TFB1M: variants seen among roughly 807,000 people sequenced by gnomAD.
TFB1M encodes dimethyladenosine transferase 1, mitochondrial.
A neutral mutation model predicts 31.1 loss-of-function variants in TFB1M; 27 were observed. The ratio of observed to expected loss-of-function variants is 0.87; its 90% confidence interval spans 0.64 to 1.20. The LOEUF (loss-of-function observed/expected upper bound fraction) is 1.20, where lower values mean the gene tolerates loss of function less well. TFB1M is among the 50% of genes most tolerant of loss of function. TFB1M has a pLI of 0.00. For synonymous variants in TFB1M, 166 were observed against 151.8 expected (o/e 1.09, Z -0.69); for missense variants, 394 against 418.7 (o/e 0.94, Z 0.51).
At chr6:155,285,955 A>C (rs1029369102) in intron 4 of TFB1M, among the ~76,000 whole-genome samples, 7 of 152,130 alleles carry the variant, frequency 4.6e-5, no homozygotes, top group African/African-American at 1.4e-4. Flanking sequence ...ATTCCATGTA[A>C]AATTTATATA....
chr6:155,294,116 T>A (rs1451723853), intron 4 of TFB1M, among the ~76,000 whole-genome samples: 1 of 152,162 alleles, frequency 6.6e-6, no homozygotes, highest in Non-Finnish European at 1.5e-5. Context: ...AGGGCTGACT[T>A]GTGAGTAAAT....
At chr6:155,311,739 CT>C (rs1282135584) in intron 1 of TFB1M, among the ~76,000 whole-genome samples, 2 of 152,148 alleles carry the variant, frequency 1.3e-5, no homozygotes, top group African/African-American at 4.8e-5. Flanking sequence ...ATAAGCAATA[CT>C]AGTTTCACAT....
At position 155,275,817 on chromosome 6, in the gene TFB1M, A is replaced by G. The variant is rs1402348316; in HGVS notation, c.666+9341T>C. 3.1e-6 allele frequency: 5 copies of G among 1,613,938 alleles called. No individual in the cohort carries two copies. The highest frequency in any genetic ancestry group is 3.4e-6 in the Non-Finnish European group (4 of 1,179,998). On this transcript the variant is annotated intron_variant, in intron 5 of 6. Transcript: ENST00000367166. Reference sequence around the variant, plus strand: ...ACTCTGCTGCCCAACTGGAAGGTGAATGTGGATGTGGACTCCAACATCATA... The same window carrying G: ...ACTCTGCTGCCCAACTGGAAGGTGAGTGTGGATGTGGACTCCAACATCATA...
intron 2 of TFB1M, chr6:155,303,273 A>C (rs1777517457): frequency 6.6e-6 from 1 of 151,964 alleles, no homozygotes; most frequent in Non-Finnish European, 1.5e-5. Flanking sequence ...ACCAAATTTC[A>C]CCCTTTTCTT....
At chr6:155,245,586 A>G in the TFB1M span, 3 of 1,547,456 alleles carry the variant, frequency 1.9e-6, no homozygotes, top group African/African-American at 4.1e-5. Flanking sequence ...CATTGATTAA[A>G]CCATGTCTGA....
chr6:155,257,664 C>G lies in TFB1M; in HGVS notation c.*172G>C. 4.3e-6 allele frequency: 3 copies of G among 696,118 alleles called. No homozygotes were observed. Among genetic ancestry groups the G allele is most frequent in the Non-Finnish European group, 7.2e-6 (3 of 419,226 alleles). The allele number at this position is 696,118 out of a possible 1,614,324, so 43.1% of individuals were successfully genotyped here. A position where few individuals can be genotyped will look rare whatever the true frequency, so the allele number is the denominator to read the frequency against. ...TATTAAAAGAAAGCTTGTACTGTAT[C>G]TTATTTGATGATATTTATTTTCTCT... is the stretch of plus-strand genomic sequence containing the variant. On this transcript the variant is annotated 3_prime_UTR_variant, in exon 7 of 7. Transcript: ENST00000367166.
At chr6:155,242,820 C>G in the TFB1M span, among the ~76,000 whole-genome samples, 1 of 152,188 alleles carries the variant, frequency 6.6e-6, no homozygotes, top group Admixed American at 6.5e-5. Context: ...ACTGCAACCT[C>G]CACCTCCTGA....
chr6:155,307,464 C>T (rs1232278933), intron 2 of TFB1M, among the ~76,000 whole-genome samples: 1 of 152,006 alleles, frequency 6.6e-6, no homozygotes, highest in African/African-American at 2.4e-5. Context: ...ATTTTTAAAA[C>T]CATCAGATCT....
intron 5 of TFB1M, among the ~76,000 whole-genome samples, chr6:155,281,448 G>T (rs112530575): frequency 0.09 from 13,750 of 152,148 alleles, 821 homozygotes; most frequent in East Asian, 0.18. Context: ...CTGGCTGGGC[G>T]TGGTGGCTCA....
intron 2 of TFB1M, among the ~76,000 whole-genome samples, chr6:155,306,714 A>ATAG (rs1168909221): frequency 6.6e-6 from 1 of 152,186 alleles, no homozygotes; most frequent in Admixed American, 6.5e-5. Context: ...GTTGTCTGAG[A>ATAG]TAGATAAAGG....
intron 4 of TFB1M, among the ~76,000 whole-genome samples, chr6:155,287,362 A>G (rs1411184485): frequency 6.6e-6 from 1 of 152,128 alleles, no homozygotes. Context: ...TATTATGTGT[A>G]ATGTCAAGAA....
rs1562378557 is a variant in TFB1M at position 155,256,291 on chromosome 6, A to T, written c.*1545T>A. On this transcript the variant is annotated 3_prime_UTR_variant, in exon 7 of 7. Coordinates refer to ENST00000367166, the MANE Select transcript of TFB1M (RefSeq NM_016020.4). Reference sequence around the variant, plus strand: ...AAAATGCTGAATTGCCTAACTTACAACTGTAAACCTAAGTCAAAAATGTCC... The same window carrying T: ...AAAATGCTGAATTGCCTAACTTACATCTGTAAACCTAAGTCAAAAATGTCC... The T allele has an allele frequency of 1.3e-6, 1 of 769,462 alleles. No homozygotes were observed. Among genetic ancestry groups the T allele is most frequent in the Non-Finnish European group, 2.0e-6 (1 of 488,224 alleles). The allele number at this position is 769,462 out of a possible 1,614,324, so 47.7% of individuals were successfully genotyped here.
At chr6:155,296,746 C>T (rs1322725834) in intron 4 of TFB1M, among the ~76,000 whole-genome samples, 1 of 139,698 alleles carries the variant, frequency 7.2e-6, no homozygotes, top group East Asian at 2.3e-4. Flanking sequence ...GGCTAACATA[C>T]ATCATTCATG....
chr6:155,275,791 C>T lies in TFB1M; in HGVS notation c.666+9367G>A, dbSNP rs1785165579. On this transcript the variant is annotated intron_variant, in intron 5 of 6. Transcript: ENST00000367166. ...CTGGGGTCTCTGGAGTGCTCACAGC[C>T]ACTCTGCTGCCCAACTGGAAGGTGA... 1.9e-6 allele frequency: 3 copies of T among 1,614,106 alleles called. 1 individual carries two copies. The highest frequency in any genetic ancestry group is 3.3e-5 in the Admixed American group (2 of 60,016).
chr6:155,304,655 AAAGGT>A (rs1410959836), intron 2 of TFB1M, among the ~76,000 whole-genome samples: 2 of 152,152 alleles, frequency 1.3e-5, no homozygotes, highest in Non-Finnish European at 2.9e-5. Context: ...AAAAAAGAAC[AAAGGT>A]AAGGATGAAA....
chr6:155,288,467 C>A (rs188414431), intron 4 of TFB1M, among the ~76,000 whole-genome samples: 15 of 152,228 alleles, frequency 9.9e-5, no homozygotes, highest in Non-Finnish European at 1.9e-4. Context: ...TCTAGTTCTT[C>A]ATAAAGTAAA....
At chr6:155,250,805 C>A in the TFB1M span, 1 of 1,268,492 alleles carries the variant, frequency 7.9e-7, no homozygotes, top group Non-Finnish European at 1.1e-6. Context: ...AAAATTAAAC[C>A]AGCTGTGCTT....
rs1562379327 is a variant in TFB1M at position 155,256,681 on chromosome 6, G to C, written c.*1155C>G. On this transcript the variant is annotated 3_prime_UTR_variant, in exon 7 of 7. Coordinates refer to ENST00000367166, the MANE Select transcript of TFB1M (RefSeq NM_016020.4). ...GAAATACCCACACCCCGGCTTGGCA[G>C]ATTTTGCCGACAATCTCATCAAAGA... The C allele has an allele frequency of 1.2e-6, 2 of 1,614,212 alleles. No homozygotes were observed. The highest frequency in any genetic ancestry group is 1.7e-6 in the Non-Finnish European group (2 of 1,180,048).
rs1469852857 is a variant in TFB1M at position 155,305,694 on chromosome 6, TATATAA to T, written c.285+5488_285+5493del. On this transcript the variant is annotated intron_variant, in intron 2 of 6. Coordinates refer to ENST00000367166, the MANE Select transcript of TFB1M (RefSeq NM_016020.4). Reference sequence around the variant, plus strand: ...AAATATATATTAAATTATATATTTATATATAAATATATATTAAATTATATATTTATA... The same window carrying T: ...AAATATATATTAAATTATATATTTATATATATATTAAATTATATATTTATA... Among the ~76,000 whole-genome samples the T allele has an allele frequency of 7.5e-4, 46 of 61,120 alleles. 1 individual carries two copies. The highest frequency in any genetic ancestry group is 2.8e-3 in the African/African-American group (40 of 14,460). The allele number at this position is 61,120 out of a possible 152,430, so 40.1% of individuals were successfully genotyped here. A position where few individuals can be genotyped will look rare whatever the true frequency, so the allele number is the denominator to read the frequency against.
Sources: allele counts gnomAD v4.1 joint callset (sites outside exome capture counted in the v4.1 genomes callset), GRCh38; gene constraint gnomAD v4.1.1; transcripts MANE v1.5; gene names NCBI Gene and HGNC (gene_info 2026-07-23, HGNC 2026-07-21).